Variants in ETNK1 observed in about 807,000 individuals in gnomAD.
The protein encoded by ETNK1 is putative protein product of Nbla10396.
Under a neutral mutation model 45.1 loss-of-function variants are expected in ETNK1, and 8 were observed. The ratio of observed to expected loss-of-function variants is 0.18; its 90% CI spans 0.10 to 0.32. ETNK1 has a LOEUF of 0.32. ETNK1 is among the 10% of genes least tolerant of loss of function. The pLI is 1.00. For synonymous variants in ETNK1, 152 were observed against 151.9 expected, an observed-to-expected ratio of 1.00 and a Z score of -0.01; for missense variants, 302 against 430.6, an observed-to-expected ratio of 0.70 and a Z score of 2.64.
rs544765547 is a variant in ETNK1 at position 22,690,179 on chromosome 12, G to T, written c.*5225G>T. On this transcript the variant is annotated 3_prime_UTR_variant, in exon 8 of 8. Transcript: ENST00000266517. ...AGTATAATGCTGCTTTGTATATAAT[G>T]TAAGTGCTACAAATAGTCTCAGCAC... The T allele has an allele frequency of 6.6e-6, 1 of 152,578 alleles. No individual in the cohort carries two copies. The highest frequency in any genetic ancestry group is 2.4e-5 in the African/African-American group (1 of 41,562). The allele number at this position is 152,578 out of a possible 1,614,324, so 9.5% of individuals were successfully genotyped here. A position where few individuals can be genotyped will look rare whatever the true frequency, so the allele number is the denominator to read the frequency against.
At chr12:22,642,167 T>G (rs1953748437) in intron 1 of ETNK1, among the ~76,000 whole-genome samples, 1 of 152,050 alleles carries the variant, frequency 6.6e-6, no homozygotes, top group Admixed American at 6.6e-5. Context: ...GAGCCTAGAG[T>G]TTCTTTCATT....
Position 22,643,868 on chromosome 12 carries a change from G to T in ETNK1, c.262G>T (p.Val88Phe). ...TTATGGCAATAAGACTGAGTTATTA[G>T]TCGATCGAGATGAGGAAGTAAAGAG... ...RIYGNKTELL[V>F]DRDEEVKSFR... The change falls in exon 2 of 8, where the codon GTC (valine) becomes TTC (phenylalanine). Residue 88 changes from valine (V) to phenylalanine (F), a missense_variant. Transcript: ENST00000266517. The T allele has an allele frequency of 6.2e-7, 1 of 1,613,444 alleles. No homozygotes were observed.
At chr12:22,636,283 A>T (rs1953654248) in intron 1 of ETNK1, among the ~76,000 whole-genome samples, 1 of 151,078 alleles carries the variant, frequency 6.6e-6, no homozygotes, top group Admixed American at 6.6e-5. Context: ...TTTCTCTGCT[A>T]AAAAAAAATG....
At chr12:22,662,076 TC>T (rs1213884826) in intron 4 of ETNK1, among the ~76,000 whole-genome samples, 114 of 134,100 alleles carry the variant, frequency 8.5e-4, no homozygotes, top group African/African-American at 2.4e-3. Flanking sequence ...CCTTTTTTTT[TC>T]CTTTTTTGAG....
chr12:22,661,361 CTG>C (rs769389633), intron 4 of ETNK1, 156 bp downstream of exon 4: 273 of 429,236 alleles, frequency 6.4e-4, no homozygotes, highest in Non-Finnish European at 9.4e-4. Context: ...GTTATGGTAA[CTG>C]TGAAATTTAG....
At chr12:22,645,752 T>G (rs1237600453) in intron 2 of ETNK1, among the ~76,000 whole-genome samples, 1 of 151,734 alleles carries the variant, frequency 6.6e-6, no homozygotes, top group African/African-American at 2.4e-5. Context: ...TTTTGAAATA[T>G]ACAATAAATT....
chr12:22,631,331 C>T (rs368380441), intron 1 of ETNK1, among the ~76,000 whole-genome samples: 41 of 151,920 alleles, frequency 2.7e-4, no homozygotes, highest in African/African-American at 8.9e-4. Context: ...CCTGCCACCA[C>T]GCCTGGCTAA....
At chr12:22,631,545 TA>T (rs1434737532) in intron 1 of ETNK1, among the ~76,000 whole-genome samples, 2 of 152,228 alleles carry the variant, frequency 1.3e-5, no homozygotes, top group African/African-American at 4.8e-5. Flanking sequence ...TATCAAATGA[TA>T]AATATATTTC....
At chr12:22,627,860 C>T (rs1953525116) in intron 1 of ETNK1, among the ~76,000 whole-genome samples, 1 of 151,734 alleles carries the variant, frequency 6.6e-6, no homozygotes, top group Non-Finnish European at 1.5e-5. Flanking sequence ...TTCCTGCAAG[C>T]TGAACTATCC....
intron 2 of ETNK1, among the ~76,000 whole-genome samples, chr12:22,648,236 A>G (rs1953831673): frequency 6.6e-6 from 1 of 151,902 alleles, no homozygotes; most frequent in Admixed American, 6.6e-5. Context: ...CAAAGTCCAC[A>G]GTTTACATTA....
intron 1 of ETNK1, among the ~76,000 whole-genome samples, chr12:22,641,187 G>A (rs1362565556): frequency 1.3e-5 from 2 of 152,140 alleles, no homozygotes; most frequent in African/African-American, 2.4e-5. Context: ...ACTACATTGA[G>A]AATGGTGGGG....
chr12:22,637,118 C>G (rs1224399071), intron 1 of ETNK1, among the ~76,000 whole-genome samples: 1 of 152,144 alleles, frequency 6.6e-6, no homozygotes. Flanking sequence ...CTCCGATGCT[C>G]AGTTTATCTC....
intron 2 of ETNK1, among the ~76,000 whole-genome samples, chr12:22,648,302 T>C (rs1308825061): frequency 6.6e-6 from 1 of 152,000 alleles, no homozygotes; most frequent in African/African-American, 2.4e-5. Flanking sequence ...ATAATGCATG[T>C]ATCCACTGTT....
At chr12:22,660,053 A>T (rs1953984251) in intron 3 of ETNK1, among the ~76,000 whole-genome samples, 1 of 151,714 alleles carries the variant, frequency 6.6e-6, no homozygotes, top group Non-Finnish European at 1.5e-5. Context: ...AAAAAAAAAA[A>T]AACACCGCAG....
chr12:22,646,351 C>T (rs1324845793), intron 2 of ETNK1, among the ~76,000 whole-genome samples: 2 of 151,560 alleles, frequency 1.3e-5, no homozygotes, highest in Non-Finnish European at 3.0e-5. Flanking sequence ...CGGTGAAATA[C>T]TTCTAAAATA....
At chr12:22,661,626 G>A (rs1054938253) in intron 4 of ETNK1, among the ~76,000 whole-genome samples, 1 of 152,090 alleles carries the variant, frequency 6.6e-6, no homozygotes, top group African/African-American at 2.4e-5. Context: ...AAGGACAACA[G>A]TATTAAAAAC....
chr12:22,690,530 A>C lies in ETNK1; in HGVS notation c.*5576A>C, dbSNP rs1408354938. ...AAGCTGTTTGTCTTTCAGTTCAAAT[A>C]TAAGTGATGTTTAGGCTTTATTTCT... On this transcript the variant is annotated 3_prime_UTR_variant, in exon 8 of 8. Coordinates refer to ENST00000266517, the MANE Select transcript of ETNK1 (RefSeq NM_018638.5). The C allele has an allele frequency of 1.3e-5, 2 of 152,572 alleles. No homozygotes were observed. Among genetic ancestry groups the C allele is most frequent in the African/African-American group, 4.8e-5 (2 of 41,448 alleles). The allele number at this position is 152,572 out of a possible 1,614,324, so 9.5% of individuals were successfully genotyped here.
intron 2 of ETNK1, chr12:22,656,921 C>CA: frequency 1.8e-6 from 1 of 558,928 alleles, no homozygotes; most frequent in Non-Finnish European, 2.3e-6. Context: ...TCATGTAACA[C>CA]AGATTGTATC....
In ETNK1 at chr12:22,653,099, T is replaced by C. The variant is rs115798432; in HGVS notation, c.417-5915T>C. Among the ~76,000 whole-genome samples, 490 of 152,256 alleles carry C rather than the reference T, an allele frequency of 3.2e-3. 1 individual carries two copies. The highest frequency in any genetic ancestry group is 0.011 in the African/African-American group (470 of 41,572). On this transcript the variant is annotated intron_variant, in intron 2 of 7. Transcript: ENST00000266517. The stretch of plus-strand genomic sequence containing the variant: ...ACATTTTGTTGTCCTTTCCTCATTG[T>C]TCTTCTTTTCCCGTTGTTGTCCTTT...
Sources: allele counts gnomAD v4.1 joint callset (sites outside exome capture counted in the v4.1 genomes callset), GRCh38; gene constraint gnomAD v4.1.1; transcripts MANE v1.5; gene names NCBI Gene and HGNC (gene_info 2026-07-23, HGNC 2026-07-21).